Variants in RNF220 observed in about 807,000 individuals in gnomAD.
RNF220 encodes E3 ubiquitin-protein ligase RNF220.
RNF220 carries 7 observed loss-of-function variants against 67.1 expected under a neutral mutation model. The observed-to-expected ratio is 0.10, with a 90% CI of 0.06 to 0.20. The LOEUF (loss-of-function observed/expected upper bound fraction) is 0.20. Among genes scored for constraint, RNF220 ranks in the 10% least tolerant of loss-of-function variants. The pLI, the probability that RNF220 is intolerant of heterozygous loss-of-function variation, is 1.00. For synonymous variants in RNF220, 270 were observed against 283.2 expected, an observed-to-expected ratio of 0.95 and a Z score of 0.47; for missense variants, 565 against 740.3, an observed-to-expected ratio of 0.76 and a Z score of 2.75.
chr1:44,495,913 C>G (rs1657302776), intron 2 of RNF220, among the ~76,000 whole-genome samples: 1 of 152,172 alleles, frequency 6.6e-6, no homozygotes, highest in Non-Finnish European at 1.5e-5. Flanking sequence ...CATATGCTTA[C>G]TGGATGGATG....
intron 2 of RNF220, among the ~76,000 whole-genome samples, chr1:44,462,520 A>C (rs1653878551): frequency 6.6e-6 from 1 of 152,244 alleles, no homozygotes; most frequent in Admixed American, 6.5e-5. Flanking sequence ...AACTTGATAG[A>C]GGTTTCCCCA....
chr1:44,414,775 G>A (rs1468273033), intron 2 of RNF220, among the ~76,000 whole-genome samples: 2 of 151,922 alleles, frequency 1.3e-5, no homozygotes, highest in East Asian at 1.9e-4. Context: ...TATACAAATT[G>A]GAGTCCCTTT....
intron 2 of RNF220, among the ~76,000 whole-genome samples, chr1:44,463,538 CT>C (rs199692921): frequency 5.3e-4 from 77 of 144,052 alleles, no homozygotes; most frequent in Admixed American, 6.2e-4. Flanking sequence ...AATTTTGTTT[CT>C]TTTTTTTTTT....
At chr1:44,477,956 C>A (rs1332436631) in intron 2 of RNF220, among the ~76,000 whole-genome samples, 2 of 152,302 alleles carry the variant, frequency 1.3e-5, no homozygotes, top group South Asian at 2.1e-4. Flanking sequence ...CATTCACCCA[C>A]AATCCCAAGA....
intron 2 of RNF220, among the ~76,000 whole-genome samples, chr1:44,422,733 T>C (rs141981298): frequency 3.3e-5 from 5 of 152,304 alleles, no homozygotes; most frequent in African/African-American, 9.6e-5. Context: ...TAGTATTGAA[T>C]CCATCTTTGA....
In RNF220 at chr1:44,635,547, C is replaced by G; in HGVS notation, c.952C>G (p.Arg318Gly). Residue 318 changes from arginine to glycine, a missense_variant and splice_region_variant, in exon 7 of 15, where the codon CGG (arginine) becomes GGG (glycine). Transcript: ENST00000361799. ...TTGTTTTCGGTTTCCCCGTGCAGCT[C>G]GGATTGGGAAAATGAAACGGAGGAA... is the stretch of plus-strand genomic sequence containing the variant. ...RANRQTRLNA[R>G]IGKMKRRKQD... The G allele has an allele frequency of 6.2e-7, 1 of 1,613,914 alleles. No homozygotes were observed. The highest frequency in any genetic ancestry group is 8.5e-7 in the Non-Finnish European group (1 of 1,179,892).
chr1:44,564,737 G>A (rs1057475654), intron 2 of RNF220, among the ~76,000 whole-genome samples: 2 of 138,570 alleles, frequency 1.4e-5, no homozygotes, highest in Non-Finnish European at 3.0e-5. Context: ...GGGCAACAGA[G>A]CAAGACTCCA....
intron 5 of RNF220, chr1:44,631,837 G>A (rs1644134459): frequency 1.1e-6 from 1 of 920,548 alleles, no homozygotes; most frequent in Admixed American, 6.2e-5. Context: ...CGGGCGGTGG[G>A]AGGGACCCCG....
chr1:44,500,729 C>T (rs12401327), intron 2 of RNF220, among the ~76,000 whole-genome samples: 22,328 of 152,190 alleles, frequency 0.15, 1,744 homozygotes, highest in Middle Eastern at 0.21. Context: ...ACCTGGGCAT[C>T]CCCCTCCCCA....
chr1:44,633,648 C>G (rs1573134968), intron 6 of RNF220, among the ~76,000 whole-genome samples: 1 of 152,220 alleles, frequency 6.6e-6, no homozygotes, highest in East Asian at 1.9e-4. Context: ...AGTATTGTGC[C>G]TTTCTTGACC....
At chr1:44,476,125 A>G (rs1161376884) in intron 2 of RNF220, among the ~76,000 whole-genome samples, 1 of 152,126 alleles carries the variant, frequency 6.6e-6, no homozygotes, top group East Asian at 1.9e-4. Flanking sequence ...GAACATATAT[A>G]TATATTTGGT....
chr1:44,480,936 T>A (rs1262302086), intron 2 of RNF220, among the ~76,000 whole-genome samples: 1 of 152,128 alleles, frequency 6.6e-6, no homozygotes, highest in East Asian at 1.9e-4. Flanking sequence ...TTACGTCAAA[T>A]GCTCCTGGGA....
At chr1:44,446,628 C>T (rs991514621) in intron 2 of RNF220, among the ~76,000 whole-genome samples, 1 of 149,558 alleles carries the variant, frequency 6.7e-6, no homozygotes. Context: ...GGCGTGATCT[C>T]GGCTCACTGC....
chr1:44,634,841 C>T (rs974364705), intron 6 of RNF220, among the ~76,000 whole-genome samples: 3 of 152,168 alleles, frequency 2.0e-5, no homozygotes, highest in Non-Finnish European at 4.4e-5. Flanking sequence ...GCCTGCCAGC[C>T]CCTCTGTACT....
chr1:44,428,801 C>A (rs1650055300), intron 2 of RNF220, among the ~76,000 whole-genome samples: 1 of 151,884 alleles, frequency 6.6e-6, no homozygotes, highest in East Asian at 1.9e-4. Flanking sequence ...CGTCTTAGCC[C>A]TAAGTGGTTT....
At position 44,649,711 on chromosome 1, in the gene RNF220, T is replaced by G; in HGVS notation, c.1496T>G (p.Val499Gly). 1 of 1,613,980 alleles carries G rather than the reference T, an allele frequency of 6.2e-7. No homozygotes were observed. The highest frequency in any genetic ancestry group is 8.5e-7 in the Non-Finnish European group (1 of 1,179,954). The change falls in exon 13 of 15, where the codon GTC (valine) becomes GGC (glycine). Residue 499 changes from valine (V) to glycine (G), a missense_variant. Val to Gly is a moderately radical substitution (Grantham distance 109). Coordinates refer to ENST00000361799, the MANE Select transcript of RNF220 (RefSeq NM_018150.4). This position sits in a 1 kb window ranked among gnomAD's most constrained non-coding sequence, Gnocchi z 5.9. ...ACGTTTGAGGCTCTGAAGGCTCGGG[T>G]CAGAGAACTTGAACGGCAGCTATCT... ...VTTFEALKAR[V>G]RELERQLSRG...
chr1:44,493,596 A>G (rs1657056387), intron 2 of RNF220, among the ~76,000 whole-genome samples: 1 of 152,224 alleles, frequency 6.6e-6, no homozygotes, highest in South Asian at 2.1e-4. Context: ...CTCATTATGT[A>G]TATATAAATA....
intron 2 of RNF220, among the ~76,000 whole-genome samples, chr1:44,548,121 C>T (rs1040381087): frequency 9.9e-5 from 15 of 152,186 alleles, no homozygotes; most frequent in Admixed American, 9.8e-4. Context: ...TCGTTAGTCA[C>T]GAAATCCTGT....
At chr1:44,636,574 C>A in intron 8 of RNF220, 1 of 640,416 alleles carries the variant, frequency 1.6e-6, no homozygotes. Context: ...CTGAGGGCTT[C>A]CAGGCAAACA....
Sources: gnomAD v4.1 joint callset for allele counts (sites outside exome capture counted in the v4.1 genomes callset) on GRCh38, gnomAD v4.1.1 for gene constraint, Gnocchi (gnomAD v3.1) non-coding constraint, MANE v1.5 for transcripts, NCBI Gene and HGNC (gene_info 2026-07-23, HGNC 2026-07-21) for gene names.